TRAPPC9: variants seen among roughly 807,000 people sequenced by gnomAD.
TRAPPC9 encodes trafficking protein particle complex subunit 9, also known as IKK2 binding protein.
In TRAPPC9, 83 loss-of-function variants were observed where a neutral mutation model predicts 124.0. The ratio of observed to expected loss-of-function variants is 0.67; its 90% CI spans 0.56 to 0.80. The LOEUF is 0.80. Among genes scored for constraint, TRAPPC9 ranks in the 30% least tolerant of loss-of-function variants. The pLI is 0.00. For synonymous variants in TRAPPC9, 638 were observed against 617.5 expected (o/e 1.03, Z -0.49); for missense variants, 1,302 against 1,508.3 (o/e 0.86, Z 2.27).
At chr8:140,229,319 G>A (rs1232785786) in intron 16 of TRAPPC9, among the ~76,000 whole-genome samples, 1 of 135,334 alleles carries the variant, frequency 7.4e-6, no homozygotes, top group African/African-American at 2.9e-5. Flanking sequence ...CTGGAGTGCA[G>A]TGGTGTGATC....
chr8:140,364,953 G>A (rs1300820754), intron 8 of TRAPPC9, among the ~76,000 whole-genome samples: 1 of 150,220 alleles, frequency 6.7e-6, no homozygotes, highest in Non-Finnish European at 1.5e-5. Context: ...GTGTGACTAG[G>A]GCAGACCCCT....
At chr8:140,140,118 C>G (rs936475628) in intron 17 of TRAPPC9, among the ~76,000 whole-genome samples, 8 of 152,082 alleles carry the variant, frequency 5.3e-5, no homozygotes, top group African/African-American at 1.9e-4. Flanking sequence ...GGTGAGCACA[C>G]GCAGGGGCAG....
chr8:139,956,768 C>T (rs970377258), intron 19 of TRAPPC9, among the ~76,000 whole-genome samples: 9 of 152,204 alleles, frequency 5.9e-5, no homozygotes, highest in Admixed American at 3.3e-4. Context: ...CCGGGCAGGT[C>T]CTATGCCTCC....
chr8:140,432,942 C>T (rs943950075), intron 4 of TRAPPC9, among the ~76,000 whole-genome samples: 6 of 151,872 alleles, frequency 4.0e-5, no homozygotes, highest in Admixed American at 2.6e-4. Context: ...AAAAATACTT[C>T]CCAAAGGACT....
chr8:139,855,702 G>A (rs1466077728), intron 21 of TRAPPC9, among the ~76,000 whole-genome samples: 1 of 152,228 alleles, frequency 6.6e-6, no homozygotes, highest in Non-Finnish European at 1.5e-5. Flanking sequence ...ACCAAGGTGG[G>A]AGGATGTCCA....
chr8:139,937,550 C>T (rs1462399898), intron 19 of TRAPPC9, among the ~76,000 whole-genome samples: 1 of 152,164 alleles, frequency 6.6e-6, no homozygotes, highest in East Asian at 1.9e-4. Context: ...GTGGCAGGGC[C>T]GGTGCTGGGG....
intron 9 of TRAPPC9, among the ~76,000 whole-genome samples, chr8:140,351,537 G>C (rs1293721900): frequency 6.6e-6 from 1 of 152,138 alleles, no homozygotes; most frequent in Non-Finnish European, 1.5e-5. Context: ...GGGAGGCTGA[G>C]GCAGGAGGAC....
At chr8:139,784,639 ATATAT>A (rs1563810602) in intron 21 of TRAPPC9, among the ~76,000 whole-genome samples, 13 of 144,040 alleles carry the variant, frequency 9.0e-5, no homozygotes, top group Admixed American at 2.8e-4. Context: ...ATATATATAT[ATATAT>A]AAATCAACTG....
intron 9 of TRAPPC9, among the ~76,000 whole-genome samples, chr8:140,333,203 T>C (rs935475434): frequency 2.6e-5 from 4 of 151,384 alleles, no homozygotes; most frequent in Non-Finnish European, 1.5e-5. Context: ...CAGAAAACAA[T>C]ACAAAAGAAA....
intron 21 of TRAPPC9, among the ~76,000 whole-genome samples, chr8:139,863,509 C>T (rs1828309544): frequency 6.6e-6 from 1 of 152,226 alleles, no homozygotes; most frequent in African/African-American, 2.4e-5. Context: ...AGCGTGGAAC[C>T]TTGAGCACTG....
At chr8:139,871,519 T>G in intron 21 of TRAPPC9, among the ~76,000 whole-genome samples, 1 of 152,206 alleles carries the variant, frequency 6.6e-6, no homozygotes, top group East Asian at 1.9e-4. Context: ...AATGCCACAC[T>G]GAGGAGGACT....
chr8:140,305,640 C>T (rs2066109969), intron 10 of TRAPPC9, among the ~76,000 whole-genome samples: 1 of 152,138 alleles, frequency 6.6e-6, no homozygotes, highest in Non-Finnish European at 1.5e-5. Context: ...TACATATATG[C>T]ATTTCTTAAG....
chr8:140,242,422 C>T (rs900971438), intron 16 of TRAPPC9, among the ~76,000 whole-genome samples: 2 of 152,150 alleles, frequency 1.3e-5, no homozygotes, highest in African/African-American at 2.4e-5. Flanking sequence ...GGAACTCCAG[C>T]GGTGAGAGAA....
At chr8:140,140,283 C>T (rs1408615533) in intron 17 of TRAPPC9, among the ~76,000 whole-genome samples, 3 of 152,186 alleles carry the variant, frequency 2.0e-5, no homozygotes, top group Non-Finnish European at 4.4e-5. Context: ...ACCACTCCTT[C>T]GCATGTTTAT....
chr8:139,787,683 T>G (rs1303821877), intron 21 of TRAPPC9, among the ~76,000 whole-genome samples: 1 of 152,206 alleles, frequency 6.6e-6, no homozygotes, highest in Non-Finnish European at 1.5e-5. Context: ...CACTTTAAAT[T>G]TATTGTTCAA....
intron 5 of TRAPPC9, among the ~76,000 whole-genome samples, chr8:140,409,754 AATTAAGAAC>A (rs1426453407): frequency 1.3e-5 from 2 of 152,222 alleles, no homozygotes; most frequent in African/African-American, 4.8e-5. Flanking sequence ...CAAGAAAAAG[AATTAAGAAC>A]ATTAATGTGT....
chr8:140,076,546 G>A (rs553603343), intron 17 of TRAPPC9, among the ~76,000 whole-genome samples: 31 of 152,318 alleles, frequency 2.0e-4, no homozygotes, highest in African/African-American at 6.7e-4. Context: ...GTGTCCATCC[G>A]CATTCCACGC....
intron 12 of TRAPPC9, among the ~76,000 whole-genome samples, chr8:140,288,095 C>G (rs1347581020): frequency 2.0e-5 from 3 of 152,170 alleles, no homozygotes; most frequent in African/African-American, 4.8e-5. Flanking sequence ...AATCCCAACA[C>G]TTTGGGAGGC....
chr8:140,107,609 G>C (rs1012563349), intron 17 of TRAPPC9, among the ~76,000 whole-genome samples: 1 of 152,244 alleles, frequency 6.6e-6, no homozygotes, highest in Non-Finnish European at 1.5e-5. Context: ...CCTGAGAATG[G>C]AGGAGGAGAA....
Sources: allele counts gnomAD v4.1 joint callset (sites outside exome capture counted in the v4.1 genomes callset), GRCh38; gene constraint gnomAD v4.1.1; transcripts MANE v1.5; gene names NCBI Gene and HGNC (gene_info 2026-07-23, HGNC 2026-07-21).